The following ANKRD45 variants were observed in gnomAD, a reference collection of about 807,000 sequenced individuals.
ANKRD45 encodes ankyrin repeat domain-containing protein 45.
ANKRD45 carries 21 observed loss-of-function variants against 28.1 expected under a neutral mutation model. The observed-to-expected ratio is 0.75, with a 90% CI of 0.53 to 1.08. The LOEUF (loss-of-function observed/expected upper bound fraction) is 1.08, where lower values mean the gene tolerates loss of function less well. ANKRD45 is among the 50% of genes least tolerant of loss of function. The pLI is 0.00. For missense variants in ANKRD45, 261 were observed against 308.7 expected (o/e 0.85, Z 1.16); for synonymous variants, 86 against 103.9 (o/e 0.83, Z 1.05).
rs150115161 is a variant in ANKRD45 at position 173,633,067 on chromosome 1, G to A, written c.497-5908C>T. Among the ~76,000 whole-genome samples, 75 of 151,846 alleles carry A rather than the reference G, an allele frequency of 4.9e-4. 1 individual carries two copies. The highest frequency in any genetic ancestry group is 1.4e-3 in the African/African-American group (57 of 41,472). Reference sequence around the variant, plus strand: ...AGGAAGTAAAATTATCCTTGATTCCGGCTGATATAATTTTATATTTGGAAA... The same window carrying A: ...AGGAAGTAAAATTATCCTTGATTCCAGCTGATATAATTTTATATTTGGAAA... On this transcript the variant is annotated intron_variant, in intron 3 of 5. Coordinates refer to ENST00000333279, the MANE Select transcript of ANKRD45 (RefSeq NM_198493.3).
chr1:173,657,594 T>C (rs1669590473), intron 2 of ANKRD45: 1 of 151,250 alleles, frequency 6.6e-6, no homozygotes, highest in African/African-American at 2.4e-5. Context: ...CCTTTCCATC[T>C]ATTCTGTTTT....
the ANKRD45 span, among the ~76,000 whole-genome samples, chr1:173,706,196 G>A: frequency 6.6e-6 from 1 of 151,284 alleles, no homozygotes; most frequent in African/African-American, 2.4e-5. Flanking sequence ...CAGCTACTCA[G>A]GAGGCTGAGG....
chr1:173,696,901 G>C, the ANKRD45 span, among the ~76,000 whole-genome samples: 1 of 152,050 alleles, frequency 6.6e-6, no homozygotes, highest in African/African-American at 2.4e-5. Flanking sequence ...CCCACAACAA[G>C]GAAGCTAAAA....
chr1:173,626,047 G>C (rs1387024828), intron 4 of ANKRD45, among the ~76,000 whole-genome samples: 1 of 152,094 alleles, frequency 6.6e-6, no homozygotes. Context: ...TTGCAGATCT[G>C]ATAGCTCCAA....
Position 173,659,365 on chromosome 1 carries a change from T to C in ANKRD45, c.54A>G (p.Gln18=), listed in dbSNP as rs1179457195. Residue 18 remains glutamine (Q), a synonymous_variant, in exon 2 of 6, where the codon CAA becomes CAG. Coordinates refer to ENST00000333279, the MANE Select transcript of ANKRD45 (RefSeq NM_198493.3). The part of the protein sequence containing the change: ...ESESSEFFSQ[Q]EEENEEEEAQ... ...CTTCTTCTTCTTCATTTTCCTCTTC[T>C]TGCTGTGAGAAAAATTCTGAACTCT... is the stretch of plus-strand genomic sequence containing the variant. The C allele has an allele frequency of 3.7e-6, 6 of 1,607,384 alleles. No homozygotes were observed. The African/African-American group carries it at 8.1e-5, about 22-fold the overall frequency.
chr1:173,706,922 T>C, the ANKRD45 span, among the ~76,000 whole-genome samples: 1 of 152,178 alleles, frequency 6.6e-6, no homozygotes, highest in Non-Finnish European at 1.5e-5. Context: ...GAGTGCATTC[T>C]TCCCCACAGT....
intron 1 of ANKRD45, chr1:173,669,563 G>A (rs540470333): frequency 2.4e-5 from 11 of 454,682 alleles, no homozygotes; most frequent in Admixed American, 1.5e-4. Context: ...AGGGGGCAAC[G>A]GACACTTCAG....
At chr1:173,672,661 A>T (rs527260585), upstream of ANKRD45, among the ~76,000 whole-genome samples, 24 of 152,340 alleles carry the variant, frequency 1.6e-4, no homozygotes, top group Non-Finnish European at 2.5e-4. Flanking sequence ...CGTGAGCTCC[A>T]CTTGAACTCC....
In ANKRD45 at chr1:173,613,541, C is replaced by CGGGA. The variant is rs1248683654; in HGVS notation, c.731-3330_731-3327dup. Among the ~76,000 whole-genome samples, 134 of 136,322 alleles carry CGGGA rather than the reference C, an allele frequency of 9.8e-4. 3 individuals carry two copies. The highest frequency in any genetic ancestry group is 2.2e-4 in the South Asian group (1 of 4,518). The allele number at this position is 136,322 out of a possible 152,430, so 89.4% of individuals were successfully genotyped here. A position where few individuals can be genotyped will look rare whatever the true frequency, so the allele number is the denominator to read the frequency against. On this transcript the variant is annotated intron_variant, in intron 5 of 5. Transcript: ENST00000333279. Reference sequence around the variant, plus strand: ...CCCCCGCCCGGCCAGCCGCCCCGTCCGGGAGGGAGGTGGGGGGTCAGCCCC... The same window carrying CGGGA: ...CCCCCGCCCGGCCAGCCGCCCCGTCCGGGAGGGAGGGAGGTGGGGGGTCAGCCCC...
intron 5 of ANKRD45, among the ~76,000 whole-genome samples, chr1:173,619,270 T>A (rs1464926946): frequency 1.3e-5 from 2 of 152,114 alleles, no homozygotes; most frequent in Non-Finnish European, 2.9e-5. Context: ...GATGACAGGA[T>A]CAAATTCACA....
chr1:173,640,853 C>T (rs969025148), intron 3 of ANKRD45, among the ~76,000 whole-genome samples: 2 of 152,208 alleles, frequency 1.3e-5, no homozygotes, highest in Non-Finnish European at 2.9e-5. Flanking sequence ...CAAGGTTAGA[C>T]TTCCACGGAA....
intron 5 of ANKRD45, among the ~76,000 whole-genome samples, chr1:173,617,781 C>T (rs1667527531): frequency 6.6e-6 from 1 of 152,228 alleles, no homozygotes; most frequent in African/African-American, 2.4e-5. Context: ...AAAAAGCAGC[C>T]AGACTGCTTC....
chr1:173,625,034 AT>A lies in ANKRD45; in HGVS notation c.592-110del. The A allele has an allele frequency of 2.6e-6, 3 of 1,152,960 alleles. No homozygotes were observed. The South Asian group carries it at 4.8e-5, about 19-fold the overall frequency. The allele number at this position is 1,152,960 out of a possible 1,614,324, so 71.4% of individuals were successfully genotyped here. A position where few individuals can be genotyped will look rare whatever the true frequency, so the allele number is the denominator to read the frequency against. On this transcript the variant is annotated intron_variant, in intron 4 of 5. Coordinates refer to ENST00000333279, the MANE Select transcript of ANKRD45 (RefSeq NM_198493.3). ...CTGAACTTTCTGTGATGATAGAAAT[AT>A]TCTGTACCTGCATTGTCCAATACAG...
At chr1:173,668,761 A>T (rs1041136093) in intron 1 of ANKRD45, among the ~76,000 whole-genome samples, 13 of 152,256 alleles carry the variant, frequency 8.5e-5, no homozygotes, top group African/African-American at 2.7e-4. Context: ...ATACAAAAAT[A>T]AATTACATTT....
chr1:173,652,645 T>C (rs1051659634), intron 2 of ANKRD45, among the ~76,000 whole-genome samples: 6 of 152,338 alleles, frequency 3.9e-5, no homozygotes, highest in African/African-American at 1.4e-4. Flanking sequence ...CTTTTTCTAT[T>C]GATTGGAATA....
chr1:173,690,064 C>CG, the ANKRD45 span, among the ~76,000 whole-genome samples: 1 of 66,682 alleles, frequency 1.5e-5, no homozygotes, highest in Non-Finnish European at 2.6e-5. Context: ...TGCCCCCCGC[C>CG]CCCCCCCCCC....
intron 5 of ANKRD45, among the ~76,000 whole-genome samples, chr1:173,618,813 A>G (rs775327725): frequency 2.0e-5 from 3 of 152,204 alleles, no homozygotes; most frequent in East Asian, 1.9e-4. Context: ...CCATGAGAAG[A>G]TCAACCCCAA....
At chr1:173,613,515 G>GC (rs1259697819) in intron 5 of ANKRD45, among the ~76,000 whole-genome samples, 1 of 144,884 alleles carries the variant, frequency 6.9e-6, no homozygotes, top group Non-Finnish European at 1.5e-5. Context: ...TGGGGGCTCA[G>GC]CCCCCGCCCG....
intron 5 of ANKRD45, among the ~76,000 whole-genome samples, chr1:173,612,379 A>T (rs183996586): frequency 4.1e-5 from 6 of 148,100 alleles, no homozygotes; most frequent in Admixed American, 4.0e-4. Context: ...CTTCCCTTTA[A>T]TGACCAGGAA....
Sources: allele counts gnomAD v4.1 joint callset (sites outside exome capture counted in the v4.1 genomes callset), GRCh38; gene constraint gnomAD v4.1.1; transcripts MANE v1.5; gene names NCBI Gene and HGNC (gene_info 2026-07-23, HGNC 2026-07-21).